Variants in ULK4 observed in about 807,000 individuals in gnomAD.
The protein encoded by ULK4 is inactive serine/threonine-protein kinase ULK4.
Under a neutral mutation model 160.6 loss-of-function variants are expected in ULK4, and 133 were observed. That is an observed-to-expected ratio of 0.83 (90% CI 0.72 to 0.96). ULK4 has a LOEUF of 0.96. Among genes scored for constraint, ULK4 ranks in the 40% least tolerant of loss-of-function variants. The probability of loss-of-function intolerance (pLI) is 0.00; values close to 1 mark genes in which losing one functional copy is unlikely to be tolerated. For missense variants in ULK4, 1,580 were observed against 1,499.5 expected, an observed-to-expected ratio of 1.05 and a Z score of -0.89; for synonymous variants, 534 against 539.8, an observed-to-expected ratio of 0.99 and a Z score of 0.15.
intron 35 of ULK4, among the ~76,000 whole-genome samples, chr3:41,288,066 C>T (rs570960309): frequency 4.6e-5 from 7 of 152,122 alleles, no homozygotes; most frequent in South Asian, 2.1e-4. Flanking sequence ...AAAGAGAACA[C>T]GATGATTTCT....
chr3:41,566,058 T>C lies in ULK4; in HGVS notation c.3193A>G (p.Lys1065Glu), dbSNP rs756053802. 6.2e-7 allele frequency: 1 copy of C among 1,613,882 alleles called. No homozygotes were observed. Among genetic ancestry groups the C allele is most frequent in the Non-Finnish European group, 8.5e-7 (1 of 1,179,946 alleles). Residue 1065 changes from lysine (K) to glutamate (E), a missense_variant, in exon 32 of 37, where the codon AAA (lysine) becomes GAA (glutamate). By Grantham distance (56) the Lys-to-Glu change is moderately conservative (BLOSUM62 1). Coordinates refer to ENST00000301831, the MANE Select transcript of ULK4 (RefSeq NM_017886.4). ...TAAAGTAGTTCCATATTCGAATCTT[T>C]GCAGGCAACTAGATTGCTGAGTAAT... The part of the protein sequence containing the change: ...IALLSNLVAC[K>E]DSNMELLYEQ...
intron 14 of ULK4, among the ~76,000 whole-genome samples, chr3:41,897,595 G>GA (rs1288524402): frequency 8.5e-5 from 13 of 152,072 alleles, no homozygotes; most frequent in African/African-American, 2.9e-4. Flanking sequence ...ACTCAAAGAA[G>GA]AAAAGGGAAA....
intron 34 of ULK4, among the ~76,000 whole-genome samples, chr3:41,452,406 G>A (rs1002556287): frequency 6.6e-6 from 1 of 152,152 alleles, no homozygotes; most frequent in African/African-American, 2.4e-5. Flanking sequence ...GAGGAGATGG[G>A]AGTATCTACT....
chr3:41,625,130 A>C (rs2033438825), intron 30 of ULK4, among the ~76,000 whole-genome samples: 1 of 152,186 alleles, frequency 6.6e-6, no homozygotes, highest in Admixed American at 6.5e-5. Context: ...ATAAGTGGAC[A>C]ATGAGATTAG....
intron 35 of ULK4, among the ~76,000 whole-genome samples, chr3:41,395,068 G>C (rs2082028358): frequency 6.6e-6 from 1 of 151,756 alleles, no homozygotes; most frequent in Admixed American, 6.6e-5. Flanking sequence ...GAACATTTTT[G>C]CATCTTACTT....
In ULK4 at chr3:41,446,236, A is replaced by G. The variant is rs548231566; in HGVS notation, c.3492+9261T>C. Among the ~76,000 whole-genome samples, 465 of 152,216 alleles carry G rather than the reference A, an allele frequency of 3.1e-3. 3 individuals carry two copies. The highest frequency in any genetic ancestry group is 5.9e-3 in the African/African-American group (243 of 41,508). Reference sequence around the variant, plus strand: ...AAAAGTCAGGAAACAACAGGTGCCGAAGAGGATGTGGAGAAATAGGAACAT... The same window carrying G: ...AAAAGTCAGGAAACAACAGGTGCCGGAGAGGATGTGGAGAAATAGGAACAT... On this transcript the variant is annotated intron_variant, in intron 34 of 36. Transcript: ENST00000301831.
intron 12 of ULK4, among the ~76,000 whole-genome samples, chr3:41,906,207 A>G (rs1346715350): frequency 1.4e-5 from 1 of 73,240 alleles, no homozygotes; most frequent in Non-Finnish European, 2.6e-5. Context: ...ACAGAGCGAG[A>G]CTCCGTCTCA....
intron 30 of ULK4, among the ~76,000 whole-genome samples, chr3:41,639,978 TG>T (rs769517598): frequency 2.4e-4 from 36 of 152,318 alleles, no homozygotes; most frequent in Non-Finnish European, 4.1e-4. Context: ...CTGACTGCTT[TG>T]AGGCCAGACC....
intron 19 of ULK4, among the ~76,000 whole-genome samples, chr3:41,817,746 A>C (rs1196027811): frequency 6.6e-6 from 1 of 152,200 alleles, no homozygotes; most frequent in African/African-American, 2.4e-5. Context: ...AAACCTGCAC[A>C]TGTACCCCCT....
intron 12 of ULK4, among the ~76,000 whole-genome samples, chr3:41,907,272 A>G (rs901067010): frequency 1.3e-5 from 2 of 149,594 alleles, no homozygotes; most frequent in African/African-American, 4.9e-5. Context: ...TGAATATGCT[A>G]AAGGTCCCTG....
rs557166281 is a variant in ULK4, at chr3:41,772,374, A to G, written c.2193+17287T>C. Among the ~76,000 whole-genome samples, 64 of 152,228 alleles carry G rather than the reference A, an allele frequency of 4.2e-4. 1 individual carries two copies. Among genetic ancestry groups the G allele is most frequent in the Admixed American group, 1.8e-3 (27 of 15,300 alleles). ...AAGAATCAAATAGATGCAATAAAAAATGATAAAGGGGATATCACCACCGAT... is the reference window on the plus strand; with the variant it reads ...AAGAATCAAATAGATGCAATAAAAAGTGATAAAGGGGATATCACCACCGAT... On this transcript the variant is annotated intron_variant, in intron 21 of 36. Coordinates refer to ENST00000301831, the MANE Select transcript of ULK4 (RefSeq NM_017886.4).
intron 35 of ULK4, among the ~76,000 whole-genome samples, chr3:41,370,815 G>A (rs1270872786): frequency 6.6e-6 from 1 of 152,220 alleles, no homozygotes; most frequent in East Asian, 1.9e-4. Flanking sequence ...ACCCTGAAAA[G>A]GGGGCTGAAG....
intron 21 of ULK4, among the ~76,000 whole-genome samples, chr3:41,767,362 AAT>A (rs1193629702): frequency 3.3e-5 from 5 of 151,928 alleles, no homozygotes; most frequent in African/African-American, 1.2e-4. Context: ...TATGTATTAA[AAT>A]ACTTTTTGCT....
intron 35 of ULK4, among the ~76,000 whole-genome samples, chr3:41,320,504 C>T (rs185416085): frequency 6.6e-6 from 1 of 152,288 alleles, no homozygotes; most frequent in East Asian, 1.9e-4. Flanking sequence ...CGAACTTGCC[C>T]GGCCCCAGAA....
At chr3:41,866,603 T>C (rs1696895774) in intron 17 of ULK4, among the ~76,000 whole-genome samples, 1 of 152,192 alleles carries the variant, frequency 6.6e-6, no homozygotes, top group South Asian at 2.1e-4. Flanking sequence ...CACCTCCTGC[T>C]GTGCAGCCCG....
At chr3:41,628,878 A>T (rs972240751) in intron 30 of ULK4, among the ~76,000 whole-genome samples, 3 of 152,176 alleles carry the variant, frequency 2.0e-5, no homozygotes, top group African/African-American at 7.2e-5. Context: ...AAAGTTTAAA[A>T]GTTTTTTAAA....
intron 32 of ULK4, among the ~76,000 whole-genome samples, chr3:41,507,053 T>C (rs557978886): frequency 6.7e-6 from 1 of 149,222 alleles, no homozygotes; most frequent in East Asian, 2.0e-4. Flanking sequence ...GTACACCTGG[T>C]TAAATGGATG....
At chr3:41,364,319 C>T (rs2081208956) in intron 35 of ULK4, among the ~76,000 whole-genome samples, 1 of 152,294 alleles carries the variant, frequency 6.6e-6, no homozygotes, top group African/African-American at 2.4e-5. Flanking sequence ...ACCTCCTGCC[C>T]ATTTCCTGAC....
chr3:41,465,153 G>A (rs2125881069), intron 32 of ULK4, among the ~76,000 whole-genome samples: 1 of 152,306 alleles, frequency 6.6e-6, no homozygotes, highest in South Asian at 2.1e-4. Flanking sequence ...GCTGATCTCA[G>A]CCATATTTTC....
Sources: gnomAD v4.1 joint callset for allele counts (sites outside exome capture counted in the v4.1 genomes callset) on GRCh38, gnomAD v4.1.1 for gene constraint, MANE v1.5 for transcripts, NCBI Gene and HGNC (gene_info 2026-07-23, HGNC 2026-07-21) for gene names.